HS6ST3: variants seen among roughly 807,000 people sequenced by gnomAD.
HS6ST3 encodes heparan-sulfate 6-O-sulfotransferase 3.
Under a neutral mutation model 36.7 loss-of-function variants are expected in HS6ST3, and 12 were observed. The ratio of observed to expected loss-of-function variants is 0.33; its 90% CI spans 0.21 to 0.53. The LOEUF (loss-of-function observed/expected upper bound fraction) is 0.53, where lower values mean the gene tolerates loss of function less well. Ranked by LOEUF, HS6ST3 falls within the 20% of genes least tolerant of loss-of-function variation. The pLI is 0.95. For synonymous variants in HS6ST3, 240 were observed against 257.5 expected, an observed-to-expected ratio of 0.93 and a Z score of 0.65; for missense variants, 584 against 640.9, an observed-to-expected ratio of 0.91 and a Z score of 0.96.
intron 1 of HS6ST3, among the ~76,000 whole-genome samples, chr13:96,107,727 C>T (rs1380706555): frequency 1.3e-5 from 2 of 152,114 alleles, no homozygotes; most frequent in African/African-American, 2.4e-5. Context: ...TTATTAGTTC[C>T]CCAAATTAAT....
At chr13:96,576,189 G>A (rs1476526661) in intron 1 of HS6ST3, among the ~76,000 whole-genome samples, 1 of 152,116 alleles carries the variant, frequency 6.6e-6, no homozygotes, top group African/African-American at 2.4e-5. Context: ...GGTTTGCTTG[G>A]CACTGTCCTG....
intron 1 of HS6ST3, among the ~76,000 whole-genome samples, chr13:96,131,764 A>G (rs1437403965): frequency 2.0e-5 from 3 of 148,774 alleles, no homozygotes; most frequent in South Asian, 2.1e-4. Flanking sequence ...TTTTAATCAC[A>G]TATCATTTAT....
At chr13:96,390,949 A>G (rs1441290132) in intron 1 of HS6ST3, among the ~76,000 whole-genome samples, 1 of 152,182 alleles carries the variant, frequency 6.6e-6, no homozygotes, top group Non-Finnish European at 1.5e-5. Context: ...TTGAGGTGCT[A>G]AAGCCCTAGT....
At chr13:96,226,289 G>A (rs1041553094) in intron 1 of HS6ST3, among the ~76,000 whole-genome samples, 4 of 152,162 alleles carry the variant, frequency 2.6e-5, no homozygotes, top group African/African-American at 9.7e-5. Flanking sequence ...GGGATGCCAA[G>A]GCGGGCAGAT....
chr13:96,764,768 C>G (rs1877058078), intron 1 of HS6ST3, among the ~76,000 whole-genome samples: 1 of 152,178 alleles, frequency 6.6e-6, no homozygotes, highest in Admixed American at 6.5e-5. Flanking sequence ...ATTTTCAACT[C>G]TCTGGGAAGA....
At position 96,568,744 on chromosome 13, in the gene HS6ST3, A is replaced by G. The variant is rs530610127; in HGVS notation, c.708-263746A>G. 2.0e-5 allele frequency among the ~76,000 whole-genome samples: 3 copies of G among 152,280 alleles called. No individual in the cohort carries two copies. The South Asian group carries it at 6.2e-4, about 32-fold the overall frequency. ...CCATATATTTTAATCTATAGTAGCT[A>G]TGATCATGTTTTGGTGGTATACTGT... On this transcript the variant is annotated intron_variant, in intron 1 of 1. Coordinates refer to ENST00000376705, the MANE Select transcript of HS6ST3 (RefSeq NM_153456.4).
intron 1 of HS6ST3, among the ~76,000 whole-genome samples, chr13:96,320,804 A>G (rs1246984417): frequency 6.6e-6 from 1 of 152,178 alleles, no homozygotes; most frequent in African/African-American, 2.4e-5. Flanking sequence ...CACATGAGTG[A>G]GACGTTGGGT....
At chr13:96,233,939 CAAAG>C (rs1350379568) in intron 1 of HS6ST3, among the ~76,000 whole-genome samples, 1 of 152,056 alleles carries the variant, frequency 6.6e-6, no homozygotes, top group Non-Finnish European at 1.5e-5. Flanking sequence ...TGCAGACTCA[CAAAG>C]AAGCCAGGGA....
intron 1 of HS6ST3, among the ~76,000 whole-genome samples, chr13:96,506,872 C>T (rs566856610): frequency 2.0e-5 from 3 of 152,062 alleles, no homozygotes; most frequent in Non-Finnish European, 2.9e-5. Context: ...TGTACCTGAT[C>T]GTCAAGGGAT....
chr13:96,489,375 AACACACACACAC>A (rs67334904), intron 1 of HS6ST3, among the ~76,000 whole-genome samples: 7 of 148,094 alleles, frequency 4.7e-5, no homozygotes, highest in East Asian at 2.0e-4. Context: ...TGTATATACA[AACACACACACAC>A]ACACACACAC....
chr13:96,291,482 A>G (rs926872420), intron 1 of HS6ST3, among the ~76,000 whole-genome samples: 1 of 152,178 alleles, frequency 6.6e-6, no homozygotes, highest in Non-Finnish European at 1.5e-5. Context: ...AGGAAAATCC[A>G]CGTGCTAGTG....
At chr13:96,109,443 G>A (rs763855491) in intron 1 of HS6ST3, among the ~76,000 whole-genome samples, 26 of 152,176 alleles carry the variant, frequency 1.7e-4, no homozygotes, top group South Asian at 6.2e-4. Flanking sequence ...GAAGAAGGAT[G>A]CATTAGAGGA....
intron 1 of HS6ST3, among the ~76,000 whole-genome samples, chr13:96,760,027 T>C (rs572336734): frequency 2.4e-4 from 37 of 152,062 alleles, no homozygotes; most frequent in Non-Finnish European, 4.7e-4. Context: ...ATTTAAAGAT[T>C]CACCTTGTTT....
intron 1 of HS6ST3, among the ~76,000 whole-genome samples, chr13:96,445,943 C>T (rs544913924): frequency 2.0e-5 from 3 of 151,800 alleles, no homozygotes; most frequent in Non-Finnish European, 2.9e-5. Flanking sequence ...GAGGCCGAGG[C>T]GGGCAGATCA....
chr13:96,735,268 T>G (rs183051009), intron 1 of HS6ST3, among the ~76,000 whole-genome samples: 1 of 152,054 alleles, frequency 6.6e-6, no homozygotes, highest in African/African-American at 2.4e-5. Context: ...GCAAAATTAT[T>G]TTTATTTTAT....
At chr13:96,494,489 A>G (rs1418618332) in intron 1 of HS6ST3, among the ~76,000 whole-genome samples, 1 of 151,516 alleles carries the variant, frequency 6.6e-6, no homozygotes, top group African/African-American at 2.4e-5. Flanking sequence ...ACATGTATAC[A>G]TATGTAACTA....
At chr13:96,562,411 A>G (rs1449224112) in intron 1 of HS6ST3, among the ~76,000 whole-genome samples, 1 of 152,142 alleles carries the variant, frequency 6.6e-6, no homozygotes, top group Non-Finnish European at 1.5e-5. Context: ...ACTGTTGGGT[A>G]CTATGCTCAG....
intron 1 of HS6ST3, among the ~76,000 whole-genome samples, chr13:96,103,757 C>G (rs1051273943): frequency 1.3e-5 from 2 of 152,000 alleles, no homozygotes; most frequent in Non-Finnish European, 2.9e-5. Flanking sequence ...TTCAAAACAC[C>G]GGAATGACAA....
In HS6ST3 at chr13:96,322,270, T is replaced by C. The variant is rs367675699; in HGVS notation, c.707+230701T>C. On this transcript the variant is annotated intron_variant, in intron 1 of 1. Coordinates refer to ENST00000376705, the MANE Select transcript of HS6ST3 (RefSeq NM_153456.4). ...TTTAAAAACGCTACTTCTGGCTGGA[T>C]GCTGTGGCTCGTGCCTGTATTCCCA... Among the ~76,000 whole-genome samples the C allele has an allele frequency of 7.1e-4, 108 of 151,986 alleles. 2 individuals carry two copies. The highest frequency in any genetic ancestry group is 2.5e-3 in the African/African-American group (103 of 41,444).
Sources: allele counts gnomAD v4.1 joint callset (sites outside exome capture counted in the v4.1 genomes callset), GRCh38; gene constraint gnomAD v4.1.1; transcripts MANE v1.5; gene names NCBI Gene and HGNC (gene_info 2026-07-23, HGNC 2026-07-21).